Variants in CAMKK1 observed in about 807,000 individuals in gnomAD.
CAMKK1 encodes the protein calcium/calmodulin dependent protein kinase kinase 1.
In CAMKK1, 20 loss-of-function variants were observed where a neutral mutation model predicts 63.5. That is an observed-to-expected ratio of 0.32 (90% CI 0.22 to 0.46). CAMKK1 has a LOEUF of 0.46. Ranked by LOEUF, CAMKK1 falls within the 20% of genes least tolerant of loss-of-function variation. CAMKK1 has a pLI of 1.00. For missense variants in CAMKK1, 588 were observed against 658.1 expected, an observed-to-expected ratio of 0.89 and a Z score of 1.17; for synonymous variants, 253 against 269.0, an observed-to-expected ratio of 0.94 and a Z score of 0.58.
chr17:3,883,450 G>A lies in CAMKK1; in HGVS notation c.493C>T (p.Leu165=). 2.5e-6 allele frequency: 4 copies of A among 1,613,932 alleles called. No homozygotes were observed. The highest frequency in any genetic ancestry group is 3.4e-6 in the Non-Finnish European group (4 of 1,179,796). The change falls in exon 5 of 16, where the codon CTG becomes TTG. Residue 165 remains leucine, a synonymous_variant. Transcript: ENST00000348335. This position sits in a 1 kb window ranked among gnomAD's most constrained non-coding sequence, Gnocchi z 4.7. ...AMKVLSKKKL[L]KQYGFPRRPP... is the part of the protein sequence containing the mutation. Reference sequence around the variant, plus strand: ...ATACGTGGAAAGCCATACTGCTTCAGTAACTTCTTTTTGGAAAGGACTTTC... The same window carrying A: ...ATACGTGGAAAGCCATACTGCTTCAATAACTTCTTTTTGGAAAGGACTTTC...
intron 11 of CAMKK1, 76 bp from the exon 12 acceptor site, chr17:3,872,703 T>C: frequency 2.4e-6 from 3 of 1,256,698 alleles, no homozygotes; most frequent in Non-Finnish European, 3.5e-6. Flanking sequence ...CCCCCTCCCT[T>C]GGTGGGGGCA....
At chr17:3,873,255 G>A (rs913106109) in intron 11 of CAMKK1, among the ~76,000 whole-genome samples, 154 bp downstream of exon 11, 1 of 152,198 alleles carries the variant, frequency 6.6e-6, no homozygotes, top group African/African-American at 2.4e-5. Context: ...GGGGACCAGA[G>A]AAAGATAGAA....
chr17:3,884,215 C>T lies in CAMKK1; in HGVS notation c.408+165G>A, dbSNP rs956386513. On this transcript the variant is annotated intron_variant, in intron 3 of 15. Transcript: ENST00000348335. This position sits in a 1 kb window ranked among gnomAD's most constrained non-coding sequence, Gnocchi z 4.5. Reference sequence around the variant, plus strand: ...TCGGGAATCAGGAGCCATCTTCCACCCTCCCCCTGGGTACCTGGGTACTTC... The same window carrying T: ...TCGGGAATCAGGAGCCATCTTCCACTCTCCCCCTGGGTACCTGGGTACTTC... Among the ~76,000 whole-genome samples the T allele has an allele frequency of 2.6e-5, 4 of 152,148 alleles. No homozygotes were observed. The highest frequency in any genetic ancestry group is 7.2e-5 in the African/African-American group (3 of 41,410).
intron 12 of CAMKK1, among the ~76,000 whole-genome samples, chr17:3,870,524 C>T (rs1008774781): frequency 2.0e-5 from 3 of 152,112 alleles, no homozygotes; most frequent in Admixed American, 6.5e-5. Context: ...CGCCACCGTG[C>T]CCGGCTAATT....
rs2055852826 is a variant in CAMKK1, at chr17:3,890,407, A to G, written c.-44+2532T>C. Among the ~76,000 whole-genome samples the G allele has an allele frequency of 6.6e-6, 1 of 152,004 alleles. No individual in the cohort carries two copies. Among genetic ancestry groups the G allele is most frequent in the African/African-American group, 2.4e-5 (1 of 41,374 alleles). On this transcript the variant is annotated intron_variant, in intron 1 of 15. Coordinates refer to ENST00000348335, the MANE Select transcript of CAMKK1 (RefSeq NM_032294.3). This position sits in a 1 kb window ranked among gnomAD's most constrained non-coding sequence, Gnocchi z 6.5. ...CGGAGGCTGATGGTCTCCAGGCCTC[A>G]TCCTCTGCCCCTCCTCATCCTCCAC...
intron 15 of CAMKK1, among the ~76,000 whole-genome samples, chr17:3,863,170 A>C (rs2054385488): frequency 1.3e-5 from 2 of 152,126 alleles, no homozygotes; most frequent in Non-Finnish European, 2.9e-5. Flanking sequence ...ACTTAACTCT[A>C]CTACTGAGTT....
At position 3,884,458 on chromosome 17, in the gene CAMKK1, C is replaced by G. The variant is rs2055554846; in HGVS notation, c.361-31G>C. 6.2e-7 allele frequency: 1 copy of G among 1,610,286 alleles called. No homozygotes were observed. Among genetic ancestry groups the G allele is most frequent in the South Asian group, 1.1e-5 (1 of 90,756 alleles). ...GGGGAAGAGCGAGCACCAGGTGGAG[C>G]TGGGTCCGGAGGCAGCACTGCTCCT... On this transcript the variant is annotated intron_variant, in intron 2 of 15. Transcript: ENST00000348335. This position sits in a 1 kb window ranked among gnomAD's most constrained non-coding sequence, Gnocchi z 4.5.
chr17:3,864,179 G>A (rs2054424605), intron 15 of CAMKK1, among the ~76,000 whole-genome samples: 1 of 150,268 alleles, frequency 6.7e-6, no homozygotes, highest in Non-Finnish European at 1.5e-5. Context: ...TTGAACTCCT[G>A]GCCTCAAGCA....
In CAMKK1 at chr17:3,873,478, C is replaced by A. The variant is rs759466134; in HGVS notation, c.997-16G>T. ...CATCCAAGGCCTGGAAAGAAACATGCTCACATCAGTCCCCAACAGGCACAG... is the reference window on the plus strand; with the variant it reads ...CATCCAAGGCCTGGAAAGAAACATGATCACATCAGTCCCCAACAGGCACAG... On this transcript the variant is annotated splice_polypyrimidine_tract_variant and intron_variant, in intron 10 of 15. Transcript: ENST00000348335. 2 of 1,613,970 alleles carry A rather than the reference C, an allele frequency of 1.2e-6. No homozygotes were observed. Among genetic ancestry groups the A allele is most frequent in the East Asian group, 4.5e-5 (2 of 44,870 alleles).
intron 7 of CAMKK1, 24 bp from the exon 8 acceptor site, chr17:3,881,672 A>G: frequency 6.4e-7 from 1 of 1,561,846 alleles, no homozygotes; most frequent in Non-Finnish European, 8.7e-7. Context: ...CAAGAAGGTA[A>G]GGTGTAGCTG....
chr17:3,886,631 CA>C (rs566567510), intron 1 of CAMKK1, among the ~76,000 whole-genome samples: 1 of 151,288 alleles, frequency 6.6e-6, no homozygotes, highest in East Asian at 1.9e-4. Flanking sequence ...GACTCGGTTT[CA>C]AAAAAAAGCA....
In CAMKK1 at chr17:3,892,730, C is replaced by T. The variant is rs930563643; in HGVS notation, c.-44+209G>A. On this transcript the variant is annotated intron_variant, in intron 1 of 15. Transcript: ENST00000348335. This position sits in a 1 kb window ranked among gnomAD's most constrained non-coding sequence, Gnocchi z 7.5. Reference sequence around the variant, plus strand: ...CCCGCGGCGATGCGGTCCCGGCGGCCGGCGCAGACCCGAGCAGACTCCGCG... The same window carrying T: ...CCCGCGGCGATGCGGTCCCGGCGGCTGGCGCAGACCCGAGCAGACTCCGCG... Among the ~76,000 whole-genome samples, 1 of 152,148 alleles carries T rather than the reference C, an allele frequency of 6.6e-6. No individual in the cohort carries two copies. Among genetic ancestry groups the T allele is most frequent in the Non-Finnish European group, 1.5e-5 (1 of 68,014 alleles).
rs577084964 is a variant in CAMKK1 at position 3,882,654 on chromosome 17, C to A, written c.649-90G>T. ...TCCTGGTCCTTGCCAGCCCCAGAACCCTTAGTATGCATGCAACCACCCCAG... is the reference window on the plus strand; with the variant it reads ...TCCTGGTCCTTGCCAGCCCCAGAACACTTAGTATGCATGCAACCACCCCAG... On this transcript the variant is annotated intron_variant, in intron 6 of 15. Transcript: ENST00000348335. The surrounding 1 kb of genome is among the most constrained non-coding windows in gnomAD (Gnocchi z 4.3). 1.1e-4 allele frequency: 130 copies of A among 1,235,612 alleles called. No individual in the cohort carries two copies. The East Asian group carries it at 1.7e-3, about 16-fold the overall frequency. 76.5% of individuals were successfully genotyped at this position (1,235,612 alleles called of 1,614,324 possible).
In CAMKK1 at chr17:3,873,352, C is replaced by T. The variant is rs570443337; in HGVS notation, c.1050+57G>A. 8.7e-6 allele frequency: 13 copies of T among 1,502,548 alleles called. No homozygotes were observed. In the East Asian group the frequency reaches 9.0e-5, roughly 10 times the overall value. The allele number at this position is 1,502,548 out of a possible 1,614,324, so 93.1% of individuals were successfully genotyped here. A position where few individuals can be genotyped will look rare whatever the true frequency, so the allele number is the denominator to read the frequency against. ...ACAAAAAGGAAGAGCCTGCATCCGT[C>T]GCCCGTGCCCGCCTCACTGGACCCG... On this transcript the variant is annotated intron_variant, in intron 11 of 15. Coordinates refer to ENST00000348335, the MANE Select transcript of CAMKK1 (RefSeq NM_032294.3).
chr17:3,875,455 T>A (rs1195847426), intron 10 of CAMKK1, among the ~76,000 whole-genome samples: 11 of 151,692 alleles, frequency 7.3e-5, no homozygotes, highest in African/African-American at 2.7e-4. Flanking sequence ...CTAATGTTTT[T>A]ATTTTTTTTT....
intron 1 of CAMKK1, among the ~76,000 whole-genome samples, chr17:3,891,170 A>G (rs146386135): frequency 6.6e-6 from 1 of 152,120 alleles, no homozygotes; most frequent in African/African-American, 2.4e-5. Context: ...TGCAAGCACA[A>G]ATAGTCACGG....
chr17:3,869,051 C>T (rs1485116005), intron 14 of CAMKK1, among the ~76,000 whole-genome samples: 6 of 151,670 alleles, frequency 4.0e-5, no homozygotes, highest in Non-Finnish European at 7.4e-5. Context: ...TCACGGCAAA[C>T]TCCACCTCCC....
intron 9 of CAMKK1, among the ~76,000 whole-genome samples, chr17:3,877,248 G>T (rs1252739540): frequency 6.6e-6 from 1 of 152,186 alleles, no homozygotes; most frequent in Non-Finnish European, 1.5e-5. Context: ...CAGCCCTCGG[G>T]ATCTGGGCTG....
chr17:3,868,973 CTTTT>C (rs146125805), intron 14 of CAMKK1, among the ~76,000 whole-genome samples: 1 of 125,104 alleles, frequency 8.0e-6, no homozygotes. Context: ...TTCTTTTCTT[CTTTT>C]TTTTTTTTTG....
Sources: gnomAD v4.1 joint callset for allele counts (sites outside exome capture counted in the v4.1 genomes callset) on GRCh38, gnomAD v4.1.1 for gene constraint, Gnocchi (gnomAD v3.1) non-coding constraint, MANE v1.5 for transcripts, NCBI Gene and HGNC (gene_info 2026-07-23, HGNC 2026-07-21) for gene names.